GNG10: variants seen among roughly 807,000 people sequenced by gnomAD.
The protein encoded by GNG10 is guanine nucleotide-binding protein G(I)/G(S)/G(O) subunit gamma-10.
In GNG10, 7 loss-of-function variants were observed where a neutral mutation model predicts 6.8. The ratio of observed to expected loss-of-function variants is 1.02; its 90% CI spans 0.58 to 1.92. GNG10 has a LOEUF of 1.92. GNG10 is among the 30% of genes most tolerant of loss of function. The pLI, the probability that GNG10 is intolerant of heterozygous loss-of-function variation, is 0.00. For synonymous variants in GNG10, 28 were observed against 34.8 expected (o/e 0.80, Z 0.69); for missense variants, 57 against 86.1 (o/e 0.66, Z 1.34).
intron 2 of GNG10, 56 bp from the exon 3 acceptor site, chr9:111,669,213 G>C (rs1407302953): frequency 3.3e-5 from 5 of 152,154 alleles, no homozygotes; most frequent in Admixed American, 1.3e-4. Flanking sequence ...ATGATGACTA[G>C]TTAATTTTAT....
In GNG10 at chr9:111,666,898, A is replaced by G. The variant is rs373520637; in HGVS notation, c.165A>G (p.Gly55=). 5 of 1,614,038 alleles carry G rather than the reference A, an allele frequency of 3.1e-6. No homozygotes were observed. In the African/African-American group the frequency reaches 6.7e-5, roughly 22 times the overall value. ...CCCTGCTGGTGGGTGTTCCAGCTGG[A>G]AGTAACCCCTTCCGGGAGCCTAGAT... ...KDALLVGVPA[G]SNPFREPRSC... is the part of the protein sequence containing the mutation. Residue 55 remains glycine, a synonymous_variant, in exon 2 of 3, where the codon GGA becomes GGG. Coordinates refer to ENST00000374293, the MANE Select transcript of GNG10 (RefSeq NM_001017998.4).
chr9:111,666,548 A>G (rs543887805), intron 1 of GNG10, among the ~76,000 whole-genome samples: 2 of 152,334 alleles, frequency 1.3e-5, no homozygotes, highest in South Asian at 4.1e-4. Flanking sequence ...CAGTCTCAAA[A>G]CTAGATTTCT....
chr9:111,662,743 A>T (rs1322130782), intron 1 of GNG10, among the ~76,000 whole-genome samples: 5 of 152,214 alleles, frequency 3.3e-5, no homozygotes, highest in Non-Finnish European at 5.9e-5. Context: ...TTCATGTACT[A>T]AGTGGAGTGA....
At chr9:111,665,027 A>G (rs1830876747) in intron 1 of GNG10, among the ~76,000 whole-genome samples, 1 of 152,226 alleles carries the variant, frequency 6.6e-6, no homozygotes, top group South Asian at 2.1e-4. Context: ...TTCATATAAT[A>G]TGGAGTAAAC....
At chr9:111,667,982 G>A (rs1261067121) in intron 2 of GNG10, among the ~76,000 whole-genome samples, 6 of 152,022 alleles carry the variant, frequency 3.9e-5, no homozygotes, top group Admixed American at 6.5e-5. Context: ...TCAGCCACCC[G>A]AGTAGCTGGG....
chr9:111,665,787 T>C (rs954580920), intron 1 of GNG10, among the ~76,000 whole-genome samples: 3 of 152,070 alleles, frequency 2.0e-5, no homozygotes, highest in East Asian at 1.9e-4. Flanking sequence ...AGTGCAATGG[T>C]GCGATCTCGG....
chr9:111,668,183 A>C (rs1354902014), intron 2 of GNG10, among the ~76,000 whole-genome samples: 1 of 152,132 alleles, frequency 6.6e-6, no homozygotes, highest in Non-Finnish European at 1.5e-5. Flanking sequence ...GGACAAGGGC[A>C]TGAATTATTA....
rs1410515453 is a variant in GNG10, at chr9:111,661,809, C to T, written c.81+94C>T. 7.4e-6 allele frequency: 5 copies of T among 672,344 alleles called. No homozygotes were observed. The East Asian group carries it at 2.5e-4, about 33-fold the overall frequency. 41.6% of individuals were successfully genotyped at this position (672,344 alleles called of 1,614,324 possible). ...CCGGACCGGGCGCCAGCGGGGGACT[C>T]GGTGGCGGCGGCGAGGCCTCGGCGG... On this transcript the variant is annotated intron_variant, in intron 1 of 2. Transcript: ENST00000374293. The surrounding 1 kb of genome is among the most constrained non-coding windows in gnomAD (Gnocchi z 6.1).
In GNG10 at chr9:111,661,722, G is replaced by T. The variant is rs375476283; in HGVS notation, c.81+7G>T. On this transcript the variant is annotated splice_region_variant and intron_variant, in intron 1 of 2. Transcript: ENST00000374293. The surrounding 1 kb of genome is among the most constrained non-coding windows in gnomAD (Gnocchi z 6.1). ...TGGCGTGGAGAGGATCAAGGTGCGG[G>T]CCCCGGGTACCCACGCTCCGGTCCT... The T allele has an allele frequency of 1.5e-6, 2 of 1,338,478 alleles. No homozygotes were observed. Among genetic ancestry groups the T allele is most frequent in the East Asian group, 7.1e-5 (2 of 28,138 alleles). The allele number at this position is 1,338,478 out of a possible 1,614,324, so 82.9% of individuals were successfully genotyped here.
At chr9:111,662,250 G>T (rs1830833778) in intron 1 of GNG10, among the ~76,000 whole-genome samples, 1 of 152,112 alleles carries the variant, frequency 6.6e-6, no homozygotes, top group South Asian at 2.1e-4. Context: ...TCATCCGGGA[G>T]GTATTTGTCC....
At chr9:111,668,891 CTT>C (rs1422183393) in intron 2 of GNG10, among the ~76,000 whole-genome samples, 2 of 151,970 alleles carry the variant, frequency 1.3e-5, no homozygotes, top group East Asian at 1.9e-4. Flanking sequence ...GAGTTTTGCT[CTT>C]GTTTCCAGGC....
intron 2 of GNG10, among the ~76,000 whole-genome samples, chr9:111,667,586 G>T (rs1338508613): frequency 9.2e-5 from 14 of 152,056 alleles, no homozygotes; most frequent in African/African-American, 3.4e-4. Flanking sequence ...CAAGGGTTGG[G>T]ATTTGCTACT....
chr9:111,663,762 CTG>C (rs1261215298), intron 1 of GNG10, among the ~76,000 whole-genome samples: 2 of 151,818 alleles, frequency 1.3e-5, no homozygotes, highest in South Asian at 4.2e-4. Context: ...GAAAGGAAAA[CTG>C]TGAGCCAGTC....
chr9:111,664,621 T>C (rs570882735), intron 1 of GNG10, among the ~76,000 whole-genome samples: 2 of 152,236 alleles, frequency 1.3e-5, no homozygotes, highest in East Asian at 3.9e-4. Flanking sequence ...GGGGACAGCT[T>C]GCAAGTATTT....
intron 1 of GNG10, among the ~76,000 whole-genome samples, chr9:111,664,315 T>TA (rs1305734770): frequency 6.6e-6 from 1 of 152,168 alleles, no homozygotes; most frequent in Admixed American, 6.5e-5. Context: ...GACAATACCT[T>TA]AGAGAGTCAC....
At chr9:111,667,600 TG>T (rs1379644934) in intron 2 of GNG10, among the ~76,000 whole-genome samples, 3 of 152,126 alleles carry the variant, frequency 2.0e-5, no homozygotes, top group African/African-American at 7.2e-5. Flanking sequence ...TGCTACTTAG[TG>T]CTATCAACTG....
chr9:111,668,663 T>C (rs544385454), intron 2 of GNG10, among the ~76,000 whole-genome samples: 1 of 152,002 alleles, frequency 6.6e-6, no homozygotes, highest in Admixed American at 6.6e-5. Flanking sequence ...TTTTGTATGT[T>C]TAGGAGAGAT....
In GNG10 at chr9:111,669,357, T is replaced by C. The variant is rs1830963481; in HGVS notation, c.*95T>C. Reference sequence around the variant, plus strand: ...TCAAGAAAACACTTTTCCCTAACTTTTAGAGATATTTCAGCCCTTTCCTGT... The same window carrying C: ...TCAAGAAAACACTTTTCCCTAACTTCTAGAGATATTTCAGCCCTTTCCTGT... On this transcript the variant is annotated 3_prime_UTR_variant, in exon 3 of 3. Transcript: ENST00000374293. The C allele has an allele frequency of 6.6e-6, 1 of 152,174 alleles. No individual in the cohort carries two copies. Among genetic ancestry groups the C allele is most frequent in the South Asian group, 2.1e-4 (1 of 4,830 alleles). The allele number at this position is 152,174 out of a possible 1,614,324, so 9.4% of individuals were successfully genotyped here.
In GNG10 at chr9:111,666,835, G is replaced by A; in HGVS notation, c.102G>A (p.Glu34=). Reference sequence around the variant, plus strand: ...TTCAGGTCTCTCAGGCAGCTGCAGAGCTTCAACAGTACTGTATGCAGAATG... The same window carrying A: ...TTCAGGTCTCTCAGGCAGCTGCAGAACTTCAACAGTACTGTATGCAGAATG... ...ERIKVSQAAA[E]LQQYCMQNAC... Residue 34 remains glutamate (E), a synonymous_variant, in exon 2 of 3, where the codon GAG becomes GAA. Coordinates refer to ENST00000374293, the MANE Select transcript of GNG10 (RefSeq NM_001017998.4). 6.2e-7 allele frequency: 1 copy of A among 1,613,144 alleles called. No homozygotes were observed. The highest frequency in any genetic ancestry group is 1.3e-5 in the African/African-American group (1 of 75,026).
Sources: gnomAD v4.1 joint callset for allele counts (sites outside exome capture counted in the v4.1 genomes callset) on GRCh38, gnomAD v4.1.1 for gene constraint, Gnocchi (gnomAD v3.1) non-coding constraint, MANE v1.5 for transcripts, NCBI Gene and HGNC (gene_info 2026-07-23, HGNC 2026-07-21) for gene names.